Variants in DDX21 observed in about 807,000 individuals in gnomAD.
DDX21 encodes DExD-box helicase 21, also known as nucleolar RNA helicase 2.
DDX21 carries 18 observed loss-of-function variants against 90.0 expected under a neutral mutation model. That is an observed-to-expected ratio of 0.20 (90% CI 0.14 to 0.30). DDX21 has a LOEUF of 0.30. Ranked by LOEUF, DDX21 falls within the 10% of genes least tolerant of loss-of-function variation. The pLI is 1.00. For synonymous variants in DDX21, 294 were observed against 318.0 expected, an observed-to-expected ratio of 0.92 and a Z score of 0.80; for missense variants, 673 against 944.5, an observed-to-expected ratio of 0.71 and a Z score of 3.77.
At chr10:68,960,406 T>C (rs1199121623) in intron 2 of DDX21, among the ~76,000 whole-genome samples, 157 bp downstream of exon 2, 1 of 152,204 alleles carries the variant, frequency 6.6e-6, no homozygotes, top group African/African-American at 2.4e-5. Context: ...GGACTTCATC[T>C]TAAAAATTAG....
rs1004098608 is a variant in DDX21 at position 68,959,817 on chromosome 10, A to G, written c.99A>G (p.Lys33=). ...LRKQTEEKEK[K]EKPKSDKTEE... ...TGAATTTTTTTTAGAAAGAGAAAAA[A>G]GAGAAGCCAAAATCTGATAAGACTG... The change falls in exon 2 of 15, where the codon AAA becomes AAG. Residue 33 remains lysine, a synonymous_variant. Coordinates refer to ENST00000354185, the MANE Select transcript of DDX21 (RefSeq NM_004728.4). 29 of 1,533,104 alleles carry G rather than the reference A, an allele frequency of 1.9e-5. No homozygotes were observed. The highest frequency in any genetic ancestry group is 2.5e-5 in the Non-Finnish European group (29 of 1,150,450). The allele number at this position is 1,533,104 out of a possible 1,614,324, so 95.0% of individuals were successfully genotyped here.
rs1843213798 is a variant in DDX21 at position 68,982,830 on chromosome 10, A to G, written c.*18A>G. 1 of 1,612,126 alleles carries G rather than the reference A, an allele frequency of 6.2e-7. No individual in the cohort carries two copies. The highest frequency in any genetic ancestry group is 8.5e-7 in the Non-Finnish European group (1 of 1,178,860). ...GTCAATAATTAGAAATAGAAGATTT[A>G]TATAGCAAAAAGAGAATGATGTTTG... On this transcript the variant is annotated 3_prime_UTR_variant, in exon 15 of 15. Coordinates refer to ENST00000354185, the MANE Select transcript of DDX21 (RefSeq NM_004728.4).
chr10:68,979,091 TC>T, intron 13 of DDX21, 115 bp downstream of exon 13: 2 of 1,426,436 alleles, frequency 1.4e-6, no homozygotes, highest in Non-Finnish European at 1.9e-6. Context: ...TCTCTCATCT[TC>T]CCTGGGTAAT....
chr10:68,980,033 G>A (rs1342208356), intron 13 of DDX21, among the ~76,000 whole-genome samples: 2 of 152,156 alleles, frequency 1.3e-5, no homozygotes, highest in Admixed American at 6.6e-5. Context: ...CTGAGGTCGG[G>A]AGTTTGAGAC....
chr10:68,958,174 A>G (rs763373032), intron 1 of DDX21, among the ~76,000 whole-genome samples: 14 of 151,634 alleles, frequency 9.2e-5, no homozygotes, highest in African/African-American at 2.9e-4. Flanking sequence ...CTTGTTCTCC[A>G]TGTTGGTCAG....
chr10:68,976,411 C>T (rs1439832094), intron 11 of DDX21, among the ~76,000 whole-genome samples: 1 of 151,834 alleles, frequency 6.6e-6, no homozygotes, highest in Non-Finnish European at 1.5e-5. Flanking sequence ...CCTCAGCCTT[C>T]CGAGTAGCTG....
intron 4 of DDX21, chr10:68,964,101 G>GAAAAGAAA: frequency 4.3e-6 from 1 of 234,074 alleles, no homozygotes; most frequent in Non-Finnish European, 8.0e-6. Context: ...TCCGTCTCAA[G>GAAAAGAAA]AAAAAAAAAA....
At chr10:68,957,972 T>G (rs1299682719) in intron 1 of DDX21, among the ~76,000 whole-genome samples, 1 of 152,318 alleles carries the variant, frequency 6.6e-6, no homozygotes, top group Middle Eastern at 3.4e-3. Context: ...GCCACAGTCA[T>G]CTGTCTTACT....
intron 1 of DDX21, among the ~76,000 whole-genome samples, chr10:68,958,731 C>T (rs886745915): frequency 6.6e-6 from 1 of 152,180 alleles, no homozygotes; most frequent in Admixed American, 6.6e-5. Flanking sequence ...GCCACCGCGC[C>T]CAGCCTAAAT....
intron 2 of DDX21, among the ~76,000 whole-genome samples, chr10:68,961,214 C>G (rs1842869168): frequency 6.6e-6 from 1 of 152,142 alleles, no homozygotes; most frequent in African/African-American, 2.4e-5. Flanking sequence ...GGATTACAGG[C>G]ACAAGCCACC....
intron 7 of DDX21, among the ~76,000 whole-genome samples, chr10:68,969,487 C>T (rs1842991197): frequency 6.6e-6 from 1 of 152,118 alleles, no homozygotes; most frequent in Non-Finnish European, 1.5e-5. Flanking sequence ...ACCATGTTGG[C>T]CAGGATAGTC....
chr10:68,970,433 C>A, intron 8 of DDX21, 83 bp downstream of exon 8: 3 of 1,319,380 alleles, frequency 2.3e-6, no homozygotes, highest in Non-Finnish European at 2.1e-6. Flanking sequence ...GTCTGATTTT[C>A]ATTCATTCAG....
At chr10:68,963,052 A>G (rs1224480847) in intron 3 of DDX21, among the ~76,000 whole-genome samples, 2 of 152,168 alleles carry the variant, frequency 1.3e-5, no homozygotes, top group Admixed American at 1.3e-4. Flanking sequence ...ACTTGAGCCC[A>G]GGAGTTCAAG....
At chr10:68,975,070 C>A (rs1265929057) in intron 11 of DDX21, among the ~76,000 whole-genome samples, 1 of 152,152 alleles carries the variant, frequency 6.6e-6, no homozygotes, top group Non-Finnish European at 1.5e-5. Flanking sequence ...CCTGTCCTAT[C>A]CTGTTTACCA....
At position 68,969,051 on chromosome 10, in the gene DDX21, A is replaced by G. The variant is rs1842983308; in HGVS notation, c.1166A>G (p.Tyr389Cys). The stretch of plus-strand genomic sequence containing the variant: ...TGGGTATTTAATGTTGCCAAGAAAT[A>G]CATGAAATCTACATATGAACAGGTG... ...PHWVFNVAKKYMKSTYEQVDL... is the reference protein window; with the variant it reads ...PHWVFNVAKKCMKSTYEQVDL... Residue 389 changes from tyrosine to cysteine, a missense_variant, in exon 7 of 15, where the codon TAC becomes TGC. Tyr to Cys is a radical substitution (Grantham distance 194). Transcript: ENST00000354185. 6.2e-7 allele frequency: 1 copy of G among 1,614,186 alleles called. No individual in the cohort carries two copies. The highest frequency in any genetic ancestry group is 2.2e-5 in the East Asian group (1 of 44,876).
chr10:68,966,409 A>G (rs1842938968), intron 5 of DDX21, among the ~76,000 whole-genome samples: 1 of 146,226 alleles, frequency 6.8e-6, no homozygotes, highest in Non-Finnish European at 1.5e-5. Flanking sequence ...ATTGTCCTCC[A>G]GTAGTGCATA....
rs772862725 is a variant in DDX21, at chr10:68,973,730, A to G, written c.1668+66A>G. On this transcript the variant is annotated intron_variant, in intron 10 of 14. Coordinates refer to ENST00000354185, the MANE Select transcript of DDX21 (RefSeq NM_004728.4). The stretch of plus-strand genomic sequence containing the variant: ...CTAAAGTCAGTCTTTGGTTTCTTCA[A>G]TTTTTATCCACTTTAAAATATTTTT... 10 of 1,546,764 alleles carry G rather than the reference A, an allele frequency of 6.5e-6. No individual in the cohort carries two copies. The Admixed American group carries it at 1.0e-4, about 16-fold the overall frequency.
intron 7 of DDX21, 63 bp from the exon 8 acceptor site, chr10:68,970,138 T>G (rs1026429455): frequency 6.9e-7 from 1 of 1,452,956 alleles, no homozygotes; most frequent in Non-Finnish European, 9.5e-7. Flanking sequence ...CTGATCATTG[T>G]GTTGTGATTT....
In DDX21 at chr10:68,982,890, G is replaced by T. The variant is rs1843215100; in HGVS notation, c.*78G>T. On this transcript the variant is annotated 3_prime_UTR_variant, in exon 15 of 15. Transcript: ENST00000354185. The stretch of plus-strand genomic sequence containing the variant: ...AACTGAACATTATTTTTCATGCAAA[G>T]TTAAAAGCACATTGTGCCTCCTTTT... 5 of 1,548,436 alleles carry T rather than the reference G, an allele frequency of 3.2e-6. No homozygotes were observed. In the Admixed American group the frequency reaches 7.5e-5, roughly 23 times the overall value.
Sources: allele counts gnomAD v4.1 joint callset (sites outside exome capture counted in the v4.1 genomes callset), GRCh38; gene constraint gnomAD v4.1.1; transcripts MANE v1.5; gene names NCBI Gene and HGNC (gene_info 2026-07-23, HGNC 2026-07-21).